SLC1A3: variants seen among roughly 807,000 people sequenced by gnomAD.
The protein encoded by SLC1A3 is excitatory amino acid transporter 1.
Under a neutral mutation model 48.1 loss-of-function variants are expected in SLC1A3, and 21 were observed. That is an observed-to-expected ratio of 0.44 (90% CI 0.31 to 0.63). SLC1A3 has a LOEUF of 0.63. Ranked by LOEUF, SLC1A3 falls within the 20% of genes least tolerant of loss-of-function variation. The probability of loss-of-function intolerance (pLI) is 0.08; values close to 1 mark genes in which losing one functional copy is unlikely to be tolerated. For synonymous variants in SLC1A3, 239 were observed against 251.4 expected, an observed-to-expected ratio of 0.95 and a Z score of 0.47; for missense variants, 546 against 689.0, an observed-to-expected ratio of 0.79 and a Z score of 2.32.
At chr5:36,639,893 A>G (rs189285474) in intron 3 of SLC1A3, among the ~76,000 whole-genome samples, 60 of 152,334 alleles carry the variant, frequency 3.9e-4, no homozygotes, top group African/African-American at 1.4e-3. Context: ...TCTAATTTGA[A>G]TAGACTTCTA....
chr5:36,667,755 A>G (rs1421459569), intron 3 of SLC1A3: 1 of 152,236 alleles, frequency 6.6e-6, no homozygotes, highest in African/African-American at 2.4e-5. Context: ...TGTAAGTGAA[A>G]GAGCCATCAT....
At chr5:36,621,940 C>T (rs148426525) in intron 2 of SLC1A3, among the ~76,000 whole-genome samples, 1 of 152,256 alleles carries the variant, frequency 6.6e-6, no homozygotes, top group African/African-American at 2.4e-5. Flanking sequence ...ATTCTTGTAA[C>T]CTTGAGACAA....
chr5:36,602,155 C>T (rs1412387707), upstream of SLC1A3, among the ~76,000 whole-genome samples: 1 of 151,832 alleles, frequency 6.6e-6, no homozygotes, highest in Non-Finnish European at 1.5e-5. Flanking sequence ...GATTGTAGGC[C>T]TTCCTTTTAA....
chr5:36,658,748 C>T (rs1175112301), intron 3 of SLC1A3, among the ~76,000 whole-genome samples: 1 of 152,212 alleles, frequency 6.6e-6, no homozygotes, highest in Non-Finnish European at 1.5e-5. Flanking sequence ...GCTGCAGCTT[C>T]ACCAACTGGC....
intron 8 of SLC1A3, among the ~76,000 whole-genome samples, chr5:36,682,164 A>G (rs1023963706): frequency 6.6e-6 from 1 of 152,206 alleles, no homozygotes; most frequent in African/African-American, 2.4e-5. Context: ...CCCCCAAAAC[A>G]TGTCTTTTAC....
intron 3 of SLC1A3, among the ~76,000 whole-genome samples, chr5:36,642,290 G>T (rs1474574952): frequency 6.6e-6 from 1 of 152,192 alleles, no homozygotes; most frequent in African/African-American, 2.4e-5. Flanking sequence ...GTCTGAAAGT[G>T]CTGTGTACAC....
intron 3 of SLC1A3, among the ~76,000 whole-genome samples, chr5:36,647,892 C>T (rs1224225396): frequency 2.0e-5 from 3 of 152,104 alleles, no homozygotes; most frequent in African/African-American, 7.2e-5. Flanking sequence ...AACTTCGTGG[C>T]TTCTTGTTTG....
intron 3 of SLC1A3, among the ~76,000 whole-genome samples, chr5:36,652,189 G>C (rs893818050): frequency 1.3e-5 from 2 of 152,240 alleles, no homozygotes; most frequent in Admixed American, 1.3e-4. Context: ...GTGTGTGCCT[G>C]CTGTTGAAAG....
At chr5:36,678,016 G>A (rs559944893) in intron 6 of SLC1A3, among the ~76,000 whole-genome samples, 2 of 152,328 alleles carry the variant, frequency 1.3e-5, no homozygotes, top group East Asian at 3.9e-4. Flanking sequence ...AAATGCAAGA[G>A]GAACATTGAC....
chr5:36,671,111 T>G lies in SLC1A3; in HGVS notation c.402T>G (p.Ala134=), dbSNP rs369459966. ...ATTATATGACTACCACCATCATTGCTGTGGTGATTGGCATAATCATTGTCA... is the reference window on the plus strand; with the variant it reads ...ATTATATGACTACCACCATCATTGCGGTGGTGATTGGCATAATCATTGTCA... ...VVYYMTTTII[A]VVIGIIIVII... Residue 134 remains alanine (A), a synonymous_variant, in exon 4 of 10, where the codon GCT becomes GCG. Coordinates refer to ENST00000265113, the MANE Select transcript of SLC1A3 (RefSeq NM_004172.5). 3.7e-6 allele frequency: 6 copies of G among 1,612,684 alleles called. No individual in the cohort carries two copies. The highest frequency in any genetic ancestry group is 5.1e-6 in the Non-Finnish European group (6 of 1,178,660).
intron 9 of SLC1A3, 86 bp downstream of exon 9, chr5:36,684,084 C>A (rs1436023540): frequency 1.6e-5 from 24 of 1,527,584 alleles, no homozygotes; most frequent in Non-Finnish European, 2.1e-5. Context: ...GGCACATCTA[C>A]AGAAAGAACT....
In SLC1A3 at chr5:36,628,201, G is replaced by T. The variant is rs965006008; in HGVS notation, c.182-1249G>T. Among the ~76,000 whole-genome samples the T allele has an allele frequency of 2.7e-4, 41 of 152,136 alleles. 1 individual carries two copies. Among genetic ancestry groups the T allele is most frequent in the Non-Finnish European group, 8.8e-5 (6 of 68,024 alleles). On this transcript the variant is annotated intron_variant, in intron 2 of 9. Transcript: ENST00000265113. ...GATTTTTTTTAGCCACGTAGATTAA[G>T]ATTCTTATTAGAATATCACAGTTTA...
chr5:36,675,309 T>C (rs957221640), intron 5 of SLC1A3, among the ~76,000 whole-genome samples: 10 of 152,096 alleles, frequency 6.6e-5, no homozygotes, highest in Admixed American at 5.2e-4. Context: ...AAAACAACTA[T>C]AACTATAAAT....
At chr5:36,624,865 A>G (rs1015713042) in intron 2 of SLC1A3, among the ~76,000 whole-genome samples, 5 of 152,218 alleles carry the variant, frequency 3.3e-5, no homozygotes, top group Admixed American at 6.5e-5. Flanking sequence ...GCAAGTAAGA[A>G]GACCTGTAAA....
At chr5:36,674,683 A>G (rs552736363) in intron 5 of SLC1A3, among the ~76,000 whole-genome samples, 4 of 152,292 alleles carry the variant, frequency 2.6e-5, no homozygotes, top group South Asian at 4.1e-4. Flanking sequence ...CAGCTCATCT[A>G]TAAGACTCAA....
intron 3 of SLC1A3, among the ~76,000 whole-genome samples, chr5:36,665,583 A>G (rs1019884364): frequency 1.3e-5 from 2 of 152,242 alleles, no homozygotes; most frequent in African/African-American, 4.8e-5. Flanking sequence ...TTAATAAGTA[A>G]TAATAACACC....
chr5:36,629,496 G>A lies in SLC1A3; in HGVS notation c.228G>A (p.Arg76=), dbSNP rs766412371. Residue 76 remains arginine (R), a synonymous_variant, in exon 3 of 10, where the codon CGG becomes CGA. Transcript: ENST00000265113. The part of the protein sequence containing the change: ...FTLRPYRMSY[R]EVKYFSFPGE... ...TCCGACCATACAGAATGAGCTACCG[G>A]GAAGTCAAGTACTTCTCCTTTCCTG... The A allele has an allele frequency of 5.0e-6, 8 of 1,612,624 alleles. No homozygotes were observed. Among genetic ancestry groups the A allele is most frequent in the Non-Finnish European group, 6.8e-6 (8 of 1,179,350 alleles).
intron 3 of SLC1A3, among the ~76,000 whole-genome samples, chr5:36,652,911 C>T (rs960008542): frequency 2.0e-5 from 3 of 152,206 alleles, no homozygotes; most frequent in African/African-American, 7.2e-5. Context: ...GGTGAGGGTA[C>T]AATACTGAAC....
At chr5:36,683,718 A>T in intron 8 of SLC1A3, 146 bp from the exon 9 acceptor site, 1 of 861,382 alleles carries the variant, frequency 1.2e-6, no homozygotes, top group Admixed American at 2.2e-5. Flanking sequence ...AAAAAAAAAA[A>T]AAATCTCATT....
Sources: gnomAD v4.1 joint callset for allele counts (sites outside exome capture counted in the v4.1 genomes callset) on GRCh38, gnomAD v4.1.1 for gene constraint, MANE v1.5 for transcripts, NCBI Gene and HGNC (gene_info 2026-07-23, HGNC 2026-07-21) for gene names.